Variants in HOXC4 observed in about 807,000 individuals in gnomAD.
HOXC4 encodes homeobox C4.
A neutral mutation model predicts 25.5 loss-of-function variants in HOXC4; 15 were observed. The ratio of observed to expected loss-of-function variants is 0.59; its 90% CI spans 0.39 to 0.91. The LOEUF (loss-of-function observed/expected upper bound fraction) is 0.91. Among genes scored for constraint, HOXC4 ranks in the 40% least tolerant of loss-of-function variants. HOXC4 has a pLI of 0.00. For missense variants in HOXC4, 342 were observed against 352.4 expected (o/e 0.97, Z 0.24); for synonymous variants, 165 against 148.0 (o/e 1.11, Z -0.83).
chr12:54,028,780 T>A lies in HOXC4; in HGVS notation c.-124+11366T>A. 8 of 1,614,168 alleles carry A rather than the reference T, an allele frequency of 5.0e-6. No homozygotes were observed. The highest frequency in any genetic ancestry group is 6.8e-6 in the Non-Finnish European group (8 of 1,180,028). On this transcript the variant is annotated intron_variant, in intron 1 of 3. Coordinates refer to the HOXC4 transcript ENST00000303406. ...CCAGGAGAAAGACATGCTCTCAAAC[T>A]GCAGACAAAACACCTTAGGACATAA...
At chr12:54,021,510 A>C (rs1385375813) in intron 1 of HOXC4, 2 of 152,194 alleles carry the variant, frequency 1.3e-5, no homozygotes, top group African/African-American at 4.8e-5. Flanking sequence ...GGAAATATCA[A>C]TGTCAGTGGA....
chr12:54,032,376 AG>A (rs1260276237), intron 1 of HOXC4, among the ~76,000 whole-genome samples: 1 of 152,224 alleles, frequency 6.6e-6, no homozygotes, highest in East Asian at 1.9e-4. Flanking sequence ...TCTTGCTGAT[AG>A]GCACCTCTTC....
intron 1 of HOXC4, among the ~76,000 whole-genome samples, chr12:54,046,064 G>A (rs921154463): frequency 6.6e-5 from 10 of 152,222 alleles, no homozygotes; most frequent in Admixed American, 3.3e-4. Flanking sequence ...CTGGGCCTTT[G>A]AAATGTGGGG....
intron 1 of HOXC4, chr12:54,037,733 A>G (rs913917472): frequency 6.6e-6 from 1 of 152,178 alleles, no homozygotes; most frequent in Non-Finnish European, 1.5e-5. Context: ...TGAATTTAGG[A>G]GTTTGAAACT....
In HOXC4 at chr12:54,028,261, A is replaced by G. The variant is rs1034170785; in HGVS notation, c.-124+10847A>G. 71 of 214,022 alleles carry G rather than the reference A, an allele frequency of 3.3e-4. 3 individuals carry two copies. The highest frequency in any genetic ancestry group is 1.6e-3 in the African/African-American group (67 of 41,986). The allele number at this position is 214,022 out of a possible 1,614,324, so 13.3% of individuals were successfully genotyped here. A position where few individuals can be genotyped will look rare whatever the true frequency, so the allele number is the denominator to read the frequency against. Reference sequence around the variant, plus strand: ...AGTTCCCTTACATATATATATATATATATATATTTTTTAAAAGAAATCCAA... The same window carrying G: ...AGTTCCCTTACATATATATATATATGTATATATTTTTTAAAAGAAATCCAA... On this transcript the variant is annotated intron_variant, in intron 1 of 3. Transcript: ENST00000303406.
rs750024894 is a variant in HOXC4 at position 54,029,896 on chromosome 12, C to T, written c.-124+12482C>T. The T allele has an allele frequency of 1.9e-6, 3 of 1,601,476 alleles. No homozygotes were observed. In the African/African-American group the frequency reaches 4.2e-5, roughly 22 times the overall value. ...TCTCGGGGGGCGGCGGAGGGGCCAC[C>T]GCCGACAGCCTGGGCGGAAAAGAGG... On this transcript the variant is annotated intron_variant, in intron 1 of 3. Coordinates refer to the HOXC4 transcript ENST00000303406.
At chr12:54,045,957 G>T (rs1441963009) in intron 1 of HOXC4, among the ~76,000 whole-genome samples, 3 of 152,162 alleles carry the variant, frequency 2.0e-5, no homozygotes, top group Admixed American at 6.5e-5. Flanking sequence ...TAAAAAGAAG[G>T]GGGAGAGAAG....
chr12:54,039,983 A>G (rs1446432078), intron 1 of HOXC4, among the ~76,000 whole-genome samples: 1 of 152,142 alleles, frequency 6.6e-6, no homozygotes, highest in Non-Finnish European at 1.5e-5. Context: ...TTTAGGCTCA[A>G]AAGTTCCATT....
At chr12:54,018,097 C>G (rs929903613) in intron 1 of HOXC4, among the ~76,000 whole-genome samples, 1 of 152,066 alleles carries the variant, frequency 6.6e-6, no homozygotes, top group Non-Finnish European at 1.5e-5. Context: ...CCTGCTCCCG[C>G]CCCCACTCGG....
At chr12:54,034,412 A>G (rs950074757) in intron 1 of HOXC4, 3 of 1,614,138 alleles carry the variant, frequency 1.9e-6, no homozygotes. Flanking sequence ...TCTCAATGAG[A>G]GACAGATCAA....
chr12:54,053,523 G>A (rs1937894467), upstream of HOXC4: 2 of 208,728 alleles, frequency 9.6e-6, no homozygotes, highest in South Asian at 8.3e-5. Flanking sequence ...CCCAGCAGAG[G>A]CCTGAGGGGA....
chr12:54,040,048 G>A (rs535148505), intron 1 of HOXC4, among the ~76,000 whole-genome samples: 1 of 152,074 alleles, frequency 6.6e-6, no homozygotes, highest in South Asian at 2.1e-4. Flanking sequence ...CAAATAGTTT[G>A]CCTCAGTTTT....
At chr12:54,047,117 C>G (rs1161940785) in intron 1 of HOXC4, among the ~76,000 whole-genome samples, 1 of 152,214 alleles carries the variant, frequency 6.6e-6, no homozygotes, top group Non-Finnish European at 1.5e-5. Flanking sequence ...CGAAGGGGCT[C>G]TAGCTCCCCG....
At chr12:54,019,267 C>T (rs1229833247) in intron 1 of HOXC4, among the ~76,000 whole-genome samples, 1 of 144,772 alleles carries the variant, frequency 6.9e-6, no homozygotes, top group Non-Finnish European at 1.5e-5. Flanking sequence ...GAGAAAAGCG[C>T]TTGGCTCTCC....
intron 1 of HOXC4, 62 bp downstream of exon 1, chr12:54,054,423 C>T: frequency 8.7e-7 from 1 of 1,144,318 alleles, no homozygotes; most frequent in South Asian, 1.6e-5. Flanking sequence ...TCCCCACCCT[C>T]CTCGGCCCCC....
chr12:54,031,359 G>A (rs911469154), intron 1 of HOXC4, among the ~76,000 whole-genome samples: 1 of 152,214 alleles, frequency 6.6e-6, no homozygotes, highest in Non-Finnish European at 1.5e-5. Context: ...GAGCCCTGTC[G>A]GCAGGGATTG....
At chr12:54,028,578 C>T in intron 1 of HOXC4, 1 of 1,614,070 alleles carries the variant, frequency 6.2e-7, no homozygotes, top group Non-Finnish European at 8.5e-7. Flanking sequence ...GGGGCCAGGA[C>T]GTCCTCCCCA....
chr12:54,029,005 G>GT (rs1565741643), intron 1 of HOXC4: 4 of 1,317,518 alleles, frequency 3.0e-6, no homozygotes, highest in South Asian at 1.4e-5. Context: ...GGCGGAGAGA[G>GT]TTTTTTATGG....
chr12:54,033,168 A>T (rs1941053593), intron 1 of HOXC4: 1 of 1,614,016 alleles, frequency 6.2e-7, no homozygotes, highest in African/African-American at 1.3e-5. Context: ...GAGCCCCAAT[A>T]TCCCTGCCTA....
Sources: allele counts gnomAD v4.1 joint callset (sites outside exome capture counted in the v4.1 genomes callset), GRCh38; gene constraint gnomAD v4.1.1; transcripts MANE v1.5; gene names NCBI Gene and HGNC (gene_info 2026-07-23, HGNC 2026-07-21).